MTUS1: variants seen among roughly 807,000 people sequenced by gnomAD.
The protein encoded by MTUS1 is microtubule associated scaffold protein 1, also known as microtubule-associated tumor suppressor 1.
In MTUS1, 109 loss-of-function variants were observed where a neutral mutation model predicts 120.8. The observed-to-expected ratio is 0.90, with a 90% CI of 0.77 to 1.06. The LOEUF is 1.06. MTUS1 is among the 50% of genes least tolerant of loss of function. The probability of loss-of-function intolerance (pLI) is 0.00; values close to 1 mark genes in which losing one functional copy is unlikely to be tolerated. For missense variants in MTUS1, 2,210 were observed against 1,486.3 expected (o/e 1.49, Z -8.01); for synonymous variants, 737 against 550.5 (o/e 1.34, Z -4.74).
In MTUS1 at chr8:17,694,165, G is replaced by T. The variant is rs530774644; in HGVS notation, c.2624-9623C>A. Among the ~76,000 whole-genome samples, 185 of 152,306 alleles carry T rather than the reference G, an allele frequency of 1.2e-3. 1 individual carries two copies. Among genetic ancestry groups the T allele is most frequent in the African/African-American group, 4.3e-3 (180 of 41,570 alleles). On this transcript the variant is annotated intron_variant, in intron 6 of 14. Coordinates refer to ENST00000693296, the MANE Select transcript of MTUS1 (RefSeq NM_001363059.2). ...TGGTCTCAAACTCCTAGCCTTAAGTGATTCTCTTCCCTTGGCCTCCCAAAG... is the reference window on the plus strand; with the variant it reads ...TGGTCTCAAACTCCTAGCCTTAAGTTATTCTCTTCCCTTGGCCTCCCAAAG...
At chr8:17,696,400 A>T (rs528176514) in intron 6 of MTUS1, among the ~76,000 whole-genome samples, 1 of 152,330 alleles carries the variant, frequency 6.6e-6, no homozygotes, top group South Asian at 2.1e-4. Flanking sequence ...GTGCACATGA[A>T]GCAGAAACAA....
At chr8:17,646,904 G>T in intron 14 of MTUS1, 78 bp downstream of exon 14, 2 of 976,584 alleles carry the variant, frequency 2.0e-6, no homozygotes, top group Non-Finnish European at 3.3e-6. Context: ...AGGTGCAGGG[G>T]TAGAGCGTGT....
intron 6 of MTUS1, among the ~76,000 whole-genome samples, chr8:17,686,665 T>A (rs3862095): frequency 6.6e-6 from 1 of 152,168 alleles, no homozygotes; most frequent in African/African-American, 2.4e-5. Flanking sequence ...TGTTGGTTTA[T>A]AATTATTTAC....
intron 13 of MTUS1, among the ~76,000 whole-genome samples, chr8:17,648,440 T>G (rs1806288570): frequency 6.6e-6 from 1 of 152,194 alleles, no homozygotes; most frequent in East Asian, 1.9e-4. Context: ...AAAGTTTTGA[T>G]GCATGAATGG....
chr8:17,719,417 A>G (rs537601216), intron 4 of MTUS1, among the ~76,000 whole-genome samples: 73 of 152,362 alleles, frequency 4.8e-4, no homozygotes, highest in East Asian at 2.1e-3. Context: ...TTCAAAAGCA[A>G]TATCACTCAA....
At chr8:17,659,720 G>C (rs1462860074) in intron 8 of MTUS1, among the ~76,000 whole-genome samples, 17 of 152,100 alleles carry the variant, frequency 1.1e-4, no homozygotes. Flanking sequence ...AAAAAACTGT[G>C]ATGAAGCAGA....
At chr8:17,709,426 G>A (rs1037550845) in intron 6 of MTUS1, among the ~76,000 whole-genome samples, 29 of 152,104 alleles carry the variant, frequency 1.9e-4, no homozygotes, top group African/African-American at 6.7e-4. Flanking sequence ...ATTTGAGCAG[G>A]TTTTTTATTT....
intron 13 of MTUS1, among the ~76,000 whole-genome samples, chr8:17,649,463 A>T (rs1023611315): frequency 3.3e-5 from 5 of 152,216 alleles, no homozygotes; most frequent in Admixed American, 2.0e-4. Flanking sequence ...CATTTCTATT[A>T]AACGTATCCA....
chr8:17,680,877 G>A (rs553100457), intron 7 of MTUS1, among the ~76,000 whole-genome samples: 1 of 152,018 alleles, frequency 6.6e-6, no homozygotes, highest in African/African-American at 2.4e-5. Flanking sequence ...ATTGACTCCC[G>A]GGCCTTCGTT....
At chr8:17,770,923 C>T (rs2049976482) in intron 1 of MTUS1, among the ~76,000 whole-genome samples, 1 of 152,182 alleles carries the variant, frequency 6.6e-6, no homozygotes, top group South Asian at 2.1e-4. Flanking sequence ...TCAGCATTCA[C>T]TGTGGCTGGG....
At chr8:17,652,468 G>A (rs187896789) in intron 12 of MTUS1, among the ~76,000 whole-genome samples, 3 of 152,044 alleles carry the variant, frequency 2.0e-5, no homozygotes, top group East Asian at 1.9e-4. Context: ...GAAAGTAGAC[G>A]GGGGAGAGCC....
chr8:17,678,115 T>C (rs989153423), intron 7 of MTUS1, among the ~76,000 whole-genome samples: 1 of 152,192 alleles, frequency 6.6e-6, no homozygotes, highest in African/African-American at 2.4e-5. Flanking sequence ...GTGCCCATAC[T>C]GTAAAAGACA....
chr8:17,757,858 CT>C (rs948152226), intron 1 of MTUS1, among the ~76,000 whole-genome samples: 51 of 152,202 alleles, frequency 3.4e-4, no homozygotes, highest in African/African-American at 1.2e-3. Context: ...TTTTATTATG[CT>C]TTTGGTCAAA....
chr8:17,715,728 G>A (rs374740092), intron 5 of MTUS1, 39 bp downstream of exon 5: 40 of 1,571,326 alleles, frequency 2.5e-5, no homozygotes, highest in East Asian at 6.8e-5. Flanking sequence ...GACTTTAAGC[G>A]TCTTGCCCTC....
Position 17,754,717 on chromosome 8 carries a change from A to C in MTUS1, c.1091T>G (p.Val364Gly), listed in dbSNP as rs1288064161. The C allele has an allele frequency of 1.2e-6, 2 of 1,614,222 alleles. No individual in the cohort carries two copies. The highest frequency in any genetic ancestry group is 1.7e-6 in the Non-Finnish European group (2 of 1,180,036). ...AGTGACTTTATGCTCTGGGTTCAGC[A>C]CTTGAGCTTCGCTCTTATCAAAAGC... is the stretch of plus-strand genomic sequence containing the variant. The part of the protein sequence containing the change: ...VPAFDKSEAQ[V>G]LNPEHKVTET... The change falls in exon 2 of 15, where the codon GTG becomes GGG. Residue 364 changes from valine to glycine, a missense_variant. Coordinates refer to ENST00000693296, the MANE Select transcript of MTUS1 (RefSeq NM_001363059.2).
At chr8:17,773,468 G>A (rs2131465614) in intron 1 of MTUS1, among the ~76,000 whole-genome samples, 1 of 152,266 alleles carries the variant, frequency 6.6e-6, no homozygotes, top group East Asian at 1.9e-4. Context: ...TATGTTTTCT[G>A]TTGCTACACC....
intron 6 of MTUS1, among the ~76,000 whole-genome samples, chr8:17,695,842 C>T (rs1317073221): frequency 1.3e-5 from 2 of 152,110 alleles, no homozygotes; most frequent in Non-Finnish European, 2.9e-5. Flanking sequence ...TTACATGTGA[C>T]TGGAAACGTG....
chr8:17,686,187 T>G (rs966216568), intron 6 of MTUS1, among the ~76,000 whole-genome samples: 1 of 152,212 alleles, frequency 6.6e-6, no homozygotes, highest in Non-Finnish European at 1.5e-5. Flanking sequence ...TCCCTGGATG[T>G]AGACAACTTC....
At position 17,700,533 on chromosome 8, in the gene MTUS1, A is replaced by C. The variant is rs192076829; in HGVS notation, c.2623+12681T>G. 1.1e-3 allele frequency among the ~76,000 whole-genome samples: 162 copies of C among 151,614 alleles called. 1 individual carries two copies. Among genetic ancestry groups the C allele is most frequent in the Middle Eastern group, 3.4e-3 (1 of 294 alleles). ...TGTTAGGATGTCAGTGGAAAACAAA[A>C]ACATGATTTAAAATTTTATGCAATG... On this transcript the variant is annotated intron_variant, in intron 6 of 14. Transcript: ENST00000693296.
Sources: allele counts gnomAD v4.1 joint callset (sites outside exome capture counted in the v4.1 genomes callset), GRCh38; gene constraint gnomAD v4.1.1; transcripts MANE v1.5; gene names NCBI Gene and HGNC (gene_info 2026-07-23, HGNC 2026-07-21).